Variants in NDUFB6 observed in about 807,000 individuals in gnomAD.
NDUFB6 encodes the protein NADH dehydrogenase [ubiquinone] 1 beta subcomplex subunit 6.
NDUFB6 carries 23 observed loss-of-function variants against 17.5 expected under a neutral mutation model. The observed-to-expected ratio is 1.31, with a 90% CI of 0.94 to 1.86. The LOEUF (loss-of-function observed/expected upper bound fraction) is 1.86. NDUFB6 is among the 40% of genes most tolerant of loss of function. The pLI is 0.00. For synonymous variants in NDUFB6, 60 were observed against 53.5 expected (o/e 1.12, Z -0.53); for missense variants, 167 against 153.8 (o/e 1.09, Z -0.46).
intron 2 of NDUFB6, among the ~76,000 whole-genome samples, chr9:32,560,557 G>T (rs1298717999): frequency 6.6e-6 from 1 of 152,044 alleles, no homozygotes; most frequent in African/African-American, 2.4e-5. Flanking sequence ...GGCTAACAGA[G>T]GTTTTAAAAA....
At chr9:32,572,837 G>A in intron 1 of NDUFB6, 44 bp downstream of exon 1, 2 of 1,486,446 alleles carry the variant, frequency 1.3e-6, no homozygotes, top group Non-Finnish European at 9.0e-7. Context: ...GCTGCCGGCA[G>A]CAGTGGGATG....
At position 32,556,187 on chromosome 9, in the gene NDUFB6, G is replaced by A. The variant is rs530883896; in HGVS notation, c.319-2243C>T. Reference sequence around the variant, plus strand: ...AAAGAAAGAAGCCAAGAGCTGTTTGGTGACTAGAAAGATGGAATGTAGCAG... The same window carrying A: ...AAAGAAAGAAGCCAAGAGCTGTTTGATGACTAGAAAGATGGAATGTAGCAG... On this transcript the variant is annotated intron_variant, in intron 3 of 3. Transcript: ENST00000379847. Among the ~76,000 whole-genome samples the A allele has an allele frequency of 7.2e-5, 11 of 152,366 alleles. No individual in the cohort carries two copies. The South Asian group carries it at 2.3e-3, about 32-fold the overall frequency.
chr9:32,572,983 C>A lies in NDUFB6; in HGVS notation c.78G>T (p.Gln26His). 6.2e-7 allele frequency: 1 copy of A among 1,612,060 alleles called. No individual in the cohort carries two copies. The highest frequency in any genetic ancestry group is 1.3e-5 in the African/African-American group (1 of 74,984). The stretch of plus-strand genomic sequence containing the variant: ...GCACCGGCTCCCGAGGGCTCAGCTC[C>A]TGGTCCTTCAGCCATCGCCTTCTCA... Reference protein sequence around the residue: ...RELRRRWLKDQELSPREPVLP... With the variant: ...RELRRRWLKDHELSPREPVLP... The change falls in exon 1 of 4, where the codon CAG becomes CAT. Residue 26 changes from glutamine to histidine, a missense_variant. Transcript: ENST00000379847.
At chr9:32,566,233 G>A (rs1821785178) in intron 2 of NDUFB6, 1 of 911,938 alleles carries the variant, frequency 1.1e-6, no homozygotes. Context: ...GGTTTTGTGG[G>A]TGGTTTTCTT....
intron 3 of NDUFB6, among the ~76,000 whole-genome samples, chr9:32,556,597 C>T (rs1010669686): frequency 6.6e-6 from 1 of 152,166 alleles, no homozygotes; most frequent in Admixed American, 6.5e-5. Context: ...GAAAGAACCA[C>T]AGTGGCAAAA....
chr9:32,561,706 T>A (rs10971024), intron 2 of NDUFB6, among the ~76,000 whole-genome samples: 26,416 of 152,034 alleles, frequency 0.17, 2,393 homozygotes, highest in Middle Eastern at 0.3. Flanking sequence ...GGCTAGAGAT[T>A]TTGCAGTCAT....
At chr9:32,561,297 G>A (rs1821617552) in intron 2 of NDUFB6, among the ~76,000 whole-genome samples, 1 of 151,618 alleles carries the variant, frequency 6.6e-6, no homozygotes, top group Admixed American at 6.6e-5. Flanking sequence ...AAACTGCCAT[G>A]GCAGCACACG....
chr9:32,554,874 T>C (rs1482613056), intron 3 of NDUFB6, among the ~76,000 whole-genome samples: 2 of 152,178 alleles, frequency 1.3e-5, no homozygotes, highest in Non-Finnish European at 2.9e-5. Context: ...ATATCTCCTA[T>C]AACTTGGAAG....
At chr9:32,566,730 C>T in intron 2 of NDUFB6, 1 of 902,014 alleles carries the variant, frequency 1.1e-6, no homozygotes, top group Non-Finnish European at 1.9e-6. Flanking sequence ...GGACTCCAAG[C>T]CTTCAAACCA....
chr9:32,553,012 A>G lies in NDUFB6; in HGVS notation c.*864T>C, dbSNP rs940365890. On this transcript the variant is annotated 3_prime_UTR_variant, in exon 4 of 4. Transcript: ENST00000379847. ...TAAAATTCATAATGCAAAGTTCCCA[A>G]GTTTATTTTTGCATTATCCTTTATA... The G allele has an allele frequency of 5.4e-5, 32 of 592,988 alleles. No homozygotes were observed. The highest frequency in any genetic ancestry group is 9.0e-5 in the Non-Finnish European group (30 of 333,732). The allele number at this position is 592,988 out of a possible 1,614,324, so 36.7% of individuals were successfully genotyped here.
intron 2 of NDUFB6, among the ~76,000 whole-genome samples, chr9:32,568,854 G>A (rs1318487681): frequency 2.0e-5 from 3 of 149,250 alleles, no homozygotes; most frequent in Non-Finnish European, 4.4e-5. Flanking sequence ...GGGTTCAAGC[G>A]ATTCTCCTGC....
Position 32,573,102 on chromosome 9 carries a change from G to A in NDUFB6, c.-42C>T. ...ACGCAAAAGGACACGGCGCACCCTC[G>A]AACTACGGACTAGTTACTTAAGCGC... On this transcript the variant is annotated 5_prime_UTR_variant, in exon 1 of 4. Transcript: ENST00000379847. The A allele has an allele frequency of 1.3e-6, 2 of 1,487,236 alleles. No individual in the cohort carries two copies. Among genetic ancestry groups the A allele is most frequent in the East Asian group, 2.5e-5 (1 of 40,330 alleles). 92.1% of individuals were successfully genotyped at this position (1,487,236 alleles called of 1,614,324 possible).
chr9:32,566,415 G>A lies in NDUFB6; in HGVS notation c.273+4545C>T, dbSNP rs1003180249. ...GGTTCCAGGTCCAGAAGAGGAGCCT[G>A]CTCTCCCTGTTACTGTAGGGGTTGA... On this transcript the variant is annotated intron_variant, in intron 2 of 3. Coordinates refer to ENST00000379847, the MANE Select transcript of NDUFB6 (RefSeq NM_002493.5). 28 of 877,340 alleles carry A rather than the reference G, an allele frequency of 3.2e-5. No individual in the cohort carries two copies. The Admixed American group carries it at 4.1e-4, about 13-fold the overall frequency. 54.3% of individuals were successfully genotyped at this position (877,340 alleles called of 1,614,324 possible). A position where few individuals can be genotyped will look rare whatever the true frequency, so the allele number is the denominator to read the frequency against.
At chr9:32,563,490 G>GTTTT (rs1239149080) in intron 2 of NDUFB6, among the ~76,000 whole-genome samples, 1 of 47,562 alleles carries the variant, frequency 2.1e-5, no homozygotes, top group African/African-American at 9.0e-5. Flanking sequence ...GGACTATTGG[G>GTTTT]CTTTTTTTTT....
intron 2 of NDUFB6, chr9:32,568,748 A>ATATATATTTT (rs1213123923): frequency 4.4e-5 from 5 of 114,364 alleles, no homozygotes; most frequent in East Asian, 2.4e-4. Flanking sequence ...ATATATATAT[A>ATATATATTTT]TTTTTTTTTT....
intron 3 of NDUFB6, among the ~76,000 whole-genome samples, chr9:32,554,967 TG>T (rs1821415611): frequency 6.6e-6 from 1 of 152,158 alleles, no homozygotes; most frequent in Non-Finnish European, 1.5e-5. Context: ...TTGGGATCCT[TG>T]GATGCCTTGG....
intron 2 of NDUFB6, chr9:32,567,439 CT>C: frequency 2.2e-6 from 1 of 453,874 alleles, no homozygotes; most frequent in Non-Finnish European, 4.5e-6. Context: ...AGGGATTCTC[CT>C]GCCTCAGCCT....
intron 2 of NDUFB6, among the ~76,000 whole-genome samples, chr9:32,565,878 A>C (rs1172634348): frequency 2.0e-5 from 3 of 152,184 alleles, no homozygotes; most frequent in Non-Finnish European, 4.4e-5. Context: ...AGGTTGAGGC[A>C]GGAGAATCAC....
At chr9:32,558,311 C>T (rs943768643) in intron 3 of NDUFB6, among the ~76,000 whole-genome samples, 4 of 152,132 alleles carry the variant, frequency 2.6e-5, no homozygotes, top group African/African-American at 9.7e-5. Flanking sequence ...CGGGGTTTCA[C>T]CGTGTTAGCC....
Sources: allele counts gnomAD v4.1 joint callset (sites outside exome capture counted in the v4.1 genomes callset), GRCh38; gene constraint gnomAD v4.1.1; transcripts MANE v1.5; gene names NCBI Gene and HGNC (gene_info 2026-07-23, HGNC 2026-07-21).